Variants in PODXL2 observed in about 807,000 individuals in gnomAD.
PODXL2 encodes podocalyxin-like protein 2.
A neutral mutation model predicts 53.4 loss-of-function variants in PODXL2; 17 were observed. The ratio of observed to expected loss-of-function variants is 0.32; its 90% CI spans 0.22 to 0.48. PODXL2 has a LOEUF of 0.48. Ranked by LOEUF, PODXL2 falls within the 20% of genes least tolerant of loss-of-function variation. The pLI is 0.99. For missense variants in PODXL2, 673 were observed against 760.0 expected (o/e 0.89, Z 1.35); for synonymous variants, 311 against 306.7 (o/e 1.01, Z -0.15).
chr3:127,658,017 C>T (rs891668032), intron 2 of PODXL2, among the ~76,000 whole-genome samples: 1 of 152,204 alleles, frequency 6.6e-6, no homozygotes, highest in Non-Finnish European at 1.5e-5. Flanking sequence ...GCTTCTTCAT[C>T]AGGCTGGCTT....
Position 127,629,185 on chromosome 3 carries a change from G to C in PODXL2, c.-35G>C. 1 of 979,666 alleles carries C rather than the reference G, an allele frequency of 1.0e-6. No homozygotes were observed. The highest frequency in any genetic ancestry group is 1.2e-6 in the Non-Finnish European group (1 of 827,512). The allele number at this position is 979,666 out of a possible 1,614,324, so 60.7% of individuals were successfully genotyped here. On this transcript the variant is annotated 5_prime_UTR_variant, in exon 1 of 8. Transcript: ENST00000342480. The surrounding 1 kb of genome is among the most constrained non-coding windows in gnomAD (Gnocchi z 6.4). Reference sequence around the variant, plus strand: ...GGCCCCTGACGCGGGCCCGGGCGCCGCGCCGCTGCGGCTGCAGGCGGCGAC... The same window carrying C: ...GGCCCCTGACGCGGGCCCGGGCGCCCCGCCGCTGCGGCTGCAGGCGGCGAC...
chr3:127,631,190 G>A (rs764580608), intron 1 of PODXL2, among the ~76,000 whole-genome samples: 5 of 152,244 alleles, frequency 3.3e-5, no homozygotes, highest in Middle Eastern at 3.4e-3. Context: ...TCCTGTTGTC[G>A]CTGACACTTA....
intron 2 of PODXL2, among the ~76,000 whole-genome samples, chr3:127,640,488 G>A (rs2074608962): frequency 6.6e-6 from 1 of 152,060 alleles, no homozygotes; most frequent in South Asian, 2.1e-4. Flanking sequence ...ATCACTTGGG[G>A]TCAGGAGTTT....
At chr3:127,658,411 T>G (rs2074739234) in intron 2 of PODXL2, among the ~76,000 whole-genome samples, 1 of 150,056 alleles carries the variant, frequency 6.7e-6, no homozygotes, top group East Asian at 1.9e-4. Flanking sequence ...CATGTCTTTT[T>G]TTTTTTTTTT....
At chr3:127,633,667 A>T (rs572499177) in intron 1 of PODXL2, among the ~76,000 whole-genome samples, 1 of 152,132 alleles carries the variant, frequency 6.6e-6, no homozygotes, top group Non-Finnish European at 1.5e-5. Flanking sequence ...TGTGCTAGGC[A>T]CTGGAATTAC....
At chr3:127,671,638 G>T in intron 7 of PODXL2, 25 bp downstream of exon 7, 1 of 1,605,660 alleles carries the variant, frequency 6.2e-7, no homozygotes. Context: ...AGGTGGGGCT[G>T]GGGGCCAGTT....
intron 2 of PODXL2, among the ~76,000 whole-genome samples, chr3:127,640,686 A>G (rs2107704984): frequency 6.8e-6 from 1 of 147,628 alleles, no homozygotes; most frequent in South Asian, 2.2e-4. Context: ...GGGCGACAAG[A>G]ACAAAACTCT....
chr3:127,650,850 G>T (rs984268787), intron 2 of PODXL2, among the ~76,000 whole-genome samples: 19 of 152,006 alleles, frequency 1.2e-4, no homozygotes, highest in Admixed American at 8.5e-4. Context: ...TAGTAGAGAC[G>T]GGGTTTCACC....
chr3:127,663,898 C>G (rs1193148025), intron 4 of PODXL2, among the ~76,000 whole-genome samples: 1 of 152,154 alleles, frequency 6.6e-6, no homozygotes, highest in Non-Finnish European at 1.5e-5. Context: ...TATTAAGATG[C>G]TTTTATTCTG....
At chr3:127,642,973 C>T (rs552315042) in intron 2 of PODXL2, among the ~76,000 whole-genome samples, 4 of 152,224 alleles carry the variant, frequency 2.6e-5, no homozygotes, top group African/African-American at 9.6e-5. Flanking sequence ...TCATACATTT[C>T]GAGCACTCAG....
chr3:127,646,564 T>C (rs1414261518), intron 2 of PODXL2, among the ~76,000 whole-genome samples: 5 of 152,126 alleles, frequency 3.3e-5, no homozygotes, highest in Admixed American at 2.6e-4. Flanking sequence ...ATTTTTGTAT[T>C]TTTAGTGGAG....
chr3:127,661,036 G>T lies in PODXL2; in HGVS notation c.1008G>T (p.Leu336=). The T allele has an allele frequency of 6.2e-7, 1 of 1,614,200 alleles. No individual in the cohort carries two copies. Among genetic ancestry groups the T allele is most frequent in the East Asian group, 2.2e-5 (1 of 44,886 alleles). The change falls in exon 3 of 8, where the codon CTG becomes CTT. Residue 336 remains leucine, a synonymous_variant. Coordinates refer to ENST00000342480, the MANE Select transcript of PODXL2 (RefSeq NM_015720.4). ...CTAGAACCTCAGCCTCTTCCCCACT[G>T]GCCCCTGGAGACATGGAACTGACAC... The part of the protein sequence containing the change: ...LGSRTSASSP[L]APGDMELTPS...
chr3:127,664,022 A>G (rs766386412), intron 4 of PODXL2, among the ~76,000 whole-genome samples: 1 of 152,012 alleles, frequency 6.6e-6, no homozygotes, highest in Non-Finnish European at 1.5e-5. Flanking sequence ...AAAATTTTCC[A>G]TTTCACCCTT....
At chr3:127,661,214 C>T in intron 3 of PODXL2, 55 bp downstream of exon 3, 1 of 1,383,866 alleles carries the variant, frequency 7.2e-7, no homozygotes, top group Non-Finnish European at 1.0e-6. Context: ...AGAGCCTGGC[C>T]ATCCCCAGGG....
chr3:127,660,733 G>A lies in PODXL2; in HGVS notation c.705G>A (p.Val235=), dbSNP rs138792603. Residue 235 remains valine, a synonymous_variant, in exon 3 of 8, where the codon GTG becomes GTA. Transcript: ENST00000342480. ...ACCAGGCCTCATCAGGTGTGGAGGT[G>A]GAGAGCAGCATGGGGCCCAGCTTGC... ...SGDQASSGVE[V]ESSMGPSLLL... 6.2e-5 allele frequency: 100 copies of A among 1,614,128 alleles called. No homozygotes were observed. In the African/African-American group the frequency reaches 1.2e-3, roughly 19 times the overall value.
chr3:127,629,954 A>T lies in PODXL2; in HGVS notation c.70+665A>T, dbSNP rs2074532256. ...AGCTCACACACGAGGGAGGTGTGAG[A>T]CTCAGATGTGTGGTTTCCATTCAGC... is the stretch of plus-strand genomic sequence containing the variant. On this transcript the variant is annotated intron_variant, in intron 1 of 7. Transcript: ENST00000342480. The surrounding 1 kb of genome is among the most constrained non-coding windows in gnomAD (Gnocchi z 6.4). Among the ~76,000 whole-genome samples, 1 of 151,678 alleles carries T rather than the reference A, an allele frequency of 6.6e-6. No homozygotes were observed. Among genetic ancestry groups the T allele is most frequent in the African/African-American group, 2.4e-5 (1 of 41,254 alleles).
chr3:127,635,104 A>G (rs1162953785), intron 1 of PODXL2, among the ~76,000 whole-genome samples: 1 of 152,158 alleles, frequency 6.6e-6, no homozygotes, highest in Non-Finnish European at 1.5e-5. Context: ...TCTACCCTAG[A>G]GAAAGGGAAA....
chr3:127,668,058 A>C (rs2074804997), intron 4 of PODXL2, among the ~76,000 whole-genome samples: 1 of 146,520 alleles, frequency 6.8e-6, no homozygotes, highest in Non-Finnish European at 1.5e-5. Flanking sequence ...AGGCCTTACC[A>C]CTCTGTGTAC....
chr3:127,645,146 C>G (rs942790439), intron 2 of PODXL2, among the ~76,000 whole-genome samples: 4 of 152,242 alleles, frequency 2.6e-5, no homozygotes, highest in Admixed American at 6.5e-5. Context: ...AGCCTCTTCT[C>G]CTTCCTTGCT....
Sources: allele counts gnomAD v4.1 joint callset (sites outside exome capture counted in the v4.1 genomes callset), GRCh38; gene constraint gnomAD v4.1.1; non-coding constraint Gnocchi (gnomAD v3.1); transcripts MANE v1.5; gene names NCBI Gene and HGNC (gene_info 2026-07-23, HGNC 2026-07-21).